The following CTNNA2 variants were observed in gnomAD, a reference collection of about 807,000 sequenced individuals.
CTNNA2 encodes the protein catenin alpha 2.
In CTNNA2, 42 loss-of-function variants were observed where a neutral mutation model predicts 101.0. That is an observed-to-expected ratio of 0.42 (90% CI 0.32 to 0.54). The LOEUF is 0.54. CTNNA2 is among the 20% of genes least tolerant of loss of function. The probability of loss-of-function intolerance (pLI) is 0.14; values close to 1 mark genes in which losing one functional copy is unlikely to be tolerated. For synonymous variants in CTNNA2, 450 were observed against 456.4 expected (o/e 0.99, Z 0.18); for missense variants, 871 against 1,223.1 (o/e 0.71, Z 4.29).
At chr2:79,750,162 C>G (rs11896754) in intron 3 of CTNNA2, among the ~76,000 whole-genome samples, 1 of 152,158 alleles carries the variant, frequency 6.6e-6, no homozygotes, top group African/African-American at 2.4e-5. Flanking sequence ...AAGCTCTGGA[C>G]CAAGGAAAGC....
chr2:79,831,730 C>A (rs1678942742), intron 3 of CTNNA2, among the ~76,000 whole-genome samples: 1 of 144,658 alleles, frequency 6.9e-6, no homozygotes, highest in Admixed American at 6.9e-5. Flanking sequence ...GGTGTTTATT[C>A]ACTGAGAGTA....
intron 18 of CTNNA2, among the ~76,000 whole-genome samples, chr2:80,624,240 T>TG (rs941242593): frequency 6.2e-5 from 8 of 128,638 alleles, no homozygotes; most frequent in Admixed American, 8.0e-5. Context: ...TGAACTTCCT[T>TG]GGAAAAAAAA....
chr2:79,577,268 T>C (rs1278650374), intron 1 of CTNNA2, among the ~76,000 whole-genome samples: 1 of 152,158 alleles, frequency 6.6e-6, no homozygotes, highest in African/African-American at 2.4e-5. Context: ...AAATGACGTA[T>C]GTTAACTTTT....
intron 4 of CTNNA2, among the ~76,000 whole-genome samples, chr2:79,490,348 G>A (rs1240356676): frequency 6.6e-6 from 1 of 151,960 alleles, no homozygotes; most frequent in Admixed American, 6.6e-5. Flanking sequence ...CTGGGGAGTG[G>A]GTCTCTGCTT....
At chr2:80,195,920 C>G (rs1573361092) in intron 7 of CTNNA2, among the ~76,000 whole-genome samples, 1 of 152,068 alleles carries the variant, frequency 6.6e-6, no homozygotes, top group African/African-American at 2.4e-5. Context: ...ACAAACCAAA[C>G]TGTAGAAAAG....
At chr2:80,421,702 G>A (rs899508276) in intron 9 of CTNNA2, among the ~76,000 whole-genome samples, 2 of 151,578 alleles carry the variant, frequency 1.3e-5, no homozygotes, top group Non-Finnish European at 2.9e-5. Flanking sequence ...GTGGCCAGCA[G>A]CATTTTAATG....
intron 3 of CTNNA2, among the ~76,000 whole-genome samples, chr2:79,335,276 A>T (rs188751700): frequency 1.3e-5 from 2 of 152,292 alleles, no homozygotes; most frequent in Non-Finnish European, 2.9e-5. Context: ...GAATATAATT[A>T]GCAGAACTGG....
At chr2:80,617,400 C>CA (rs542550470) in intron 17 of CTNNA2, among the ~76,000 whole-genome samples, 1 of 151,240 alleles carries the variant, frequency 6.6e-6, no homozygotes, top group Admixed American at 6.6e-5. Flanking sequence ...ATCTCACACA[C>CA]AAAAAAAGCT....
intron 3 of CTNNA2, among the ~76,000 whole-genome samples, chr2:79,336,156 G>A (rs1676990054): frequency 5.3e-5 from 8 of 152,136 alleles, no homozygotes; most frequent in Admixed American, 3.9e-4. Flanking sequence ...CTTTAGTAAT[G>A]CAATTCATCT....
At chr2:79,918,058 C>T (rs1033896753) in intron 7 of CTNNA2, among the ~76,000 whole-genome samples, 2 of 151,908 alleles carry the variant, frequency 1.3e-5, no homozygotes, top group South Asian at 4.2e-4. Context: ...AAAAGTATGA[C>T]AACTCCAGGA....
chr2:79,868,445 T>C lies in CTNNA2; in HGVS notation c.466-1371T>C, dbSNP rs77640560. ...ATCTCTGGGACAAAAGGCTTGATGA[T>C]ATTCATTATTACTGGTTTAGATACG... On this transcript the variant is annotated intron_variant, in intron 4 of 18. Transcript: ENST00000402739. Among the ~76,000 whole-genome samples the C allele has an allele frequency of 3.3e-5, 5 of 152,330 alleles. No individual in the cohort carries two copies. The East Asian group carries it at 9.7e-4, about 29-fold the overall frequency.
chr2:80,092,229 G>T (rs1241378153), intron 7 of CTNNA2, among the ~76,000 whole-genome samples: 1 of 152,116 alleles, frequency 6.6e-6, no homozygotes, highest in African/African-American at 2.4e-5. Flanking sequence ...TTCAGCCGTT[G>T]TAACTCTGCA....
At chr2:79,647,750 C>A (rs1046875973) in intron 1 of CTNNA2, among the ~76,000 whole-genome samples, 33 of 152,180 alleles carry the variant, frequency 2.2e-4, no homozygotes, top group Admixed American at 8.5e-4. Context: ...ATGGCAAAAT[C>A]TCAGTGGCAT....
chr2:79,381,711 C>T (rs1256939831), intron 4 of CTNNA2, among the ~76,000 whole-genome samples: 1 of 152,210 alleles, frequency 6.6e-6, no homozygotes, highest in Non-Finnish European at 1.5e-5. Flanking sequence ...CAGCATATGA[C>T]TTCTCTCTGT....
At chr2:79,218,479 A>G (rs533893024) in intron 2 of CTNNA2, among the ~76,000 whole-genome samples, 32 of 152,180 alleles carry the variant, frequency 2.1e-4, no homozygotes, top group African/African-American at 7.5e-4. Context: ...CACTGCACAC[A>G]GCTTCCTTCA....
chr2:80,041,926 A>G (rs981187855), intron 7 of CTNNA2, among the ~76,000 whole-genome samples: 1 of 152,116 alleles, frequency 6.6e-6, no homozygotes, highest in South Asian at 2.1e-4. Flanking sequence ...ACAGCAGTTG[A>G]TAATCTAGTA....
intron 1 of CTNNA2, among the ~76,000 whole-genome samples, chr2:79,530,839 CTTTGT>C (rs1004543515): frequency 1.9e-4 from 29 of 150,466 alleles, no homozygotes; most frequent in African/African-American, 6.9e-4. Flanking sequence ...GTTTAGTGTG[CTTTGT>C]TTTAAGTGGA....
At chr2:79,463,617 A>G (rs181316833) in intron 4 of CTNNA2, among the ~76,000 whole-genome samples, 43 of 152,276 alleles carry the variant, frequency 2.8e-4, no homozygotes, top group Admixed American at 1.8e-3. Flanking sequence ...TGGCTCAACA[A>G]TGTTGTAGAA....
At chr2:79,242,993 T>TAC (rs1161415099) in intron 2 of CTNNA2, among the ~76,000 whole-genome samples, 1,691 of 116,634 alleles carry the variant, frequency 0.014, 28 homozygotes, top group South Asian at 0.026. Flanking sequence ...TATATATATA[T>TAC]ACACACACAC....
Sources: allele counts gnomAD v4.1 joint callset (sites outside exome capture counted in the v4.1 genomes callset), GRCh38; gene constraint gnomAD v4.1.1; transcripts MANE v1.5; gene names NCBI Gene and HGNC (gene_info 2026-07-23, HGNC 2026-07-21).